CSGALNACT1: variants seen among roughly 807,000 people sequenced by gnomAD.
CSGALNACT1 encodes the protein beta4GalNAcT-1.
CSGALNACT1 carries 52 observed loss-of-function variants against 51.0 expected under a neutral mutation model. That is an observed-to-expected ratio of 1.02 (90% CI 0.82 to 1.29). The LOEUF (loss-of-function observed/expected upper bound fraction) is 1.29. Ranked by LOEUF, CSGALNACT1 falls within the 50% of genes most tolerant of loss-of-function variation. The pLI, the probability that CSGALNACT1 is intolerant of heterozygous loss-of-function variation, is 0.00. For missense variants in CSGALNACT1, 935 were observed against 679.2 expected, an observed-to-expected ratio of 1.38 and a Z score of -4.19; for synonymous variants, 341 against 254.4, an observed-to-expected ratio of 1.34 and a Z score of -3.24.
chr8:19,601,709 G>C (rs2050464218), intron 2 of CSGALNACT1, 62 bp downstream of exon 2: 2 of 404,244 alleles, frequency 4.9e-6, no homozygotes, highest in Admixed American at 6.0e-5. Flanking sequence ...AACACATCCA[G>C]AATATTGAAC....
chr8:19,645,477 C>G (rs367875880), intron 1 of CSGALNACT1, among the ~76,000 whole-genome samples: 1 of 152,236 alleles, frequency 6.6e-6, no homozygotes, highest in Non-Finnish European at 1.5e-5. Context: ...AGTGCAGCCA[C>G]TTACAAGCTG....
intron 6 of CSGALNACT1, among the ~76,000 whole-genome samples, chr8:19,421,393 G>A (rs1295025154): frequency 1.3e-5 from 2 of 152,210 alleles, no homozygotes; most frequent in Admixed American, 6.5e-5. Flanking sequence ...TTAAGCTAAC[G>A]TTCCACGAAT....
At chr8:19,440,034 C>G (rs1418634850) in intron 5 of CSGALNACT1, 103 bp from the exon 5 acceptor site, 12 of 918,794 alleles carry the variant, frequency 1.3e-5, no homozygotes, top group Non-Finnish European at 1.9e-5. Flanking sequence ...TTGAAGGAAA[C>G]TAGGTAAACT....
intron 1 of CSGALNACT1, among the ~76,000 whole-genome samples, chr8:19,743,246 T>C (rs1239942076): frequency 6.6e-6 from 1 of 152,138 alleles, no homozygotes; most frequent in Non-Finnish European, 1.5e-5. Context: ...ATACATTACA[T>C]GAAACGTATG....
chr8:19,601,595 G>C (rs375316934), intron 2 of CSGALNACT1, among the ~76,000 whole-genome samples, 176 bp downstream of exon 2: 24 of 152,302 alleles, frequency 1.6e-4, no homozygotes, highest in Non-Finnish European at 3.1e-4. Context: ...AGGATTCAAT[G>C]GAGCCAAGTA....
chr8:19,491,933 A>T (rs2074434988), intron 4 of CSGALNACT1, among the ~76,000 whole-genome samples: 1 of 152,254 alleles, frequency 6.6e-6, no homozygotes, highest in Admixed American at 6.5e-5. Flanking sequence ...GTATGTGGGT[A>T]GAGGTTACAG....
chr8:19,553,033 A>C (rs2088611980), intron 3 of CSGALNACT1, among the ~76,000 whole-genome samples: 3 of 152,154 alleles, frequency 2.0e-5, no homozygotes, highest in Non-Finnish European at 4.4e-5. Context: ...TTTGATTTTT[A>C]TGTTATCGTT....
intron 3 of CSGALNACT1, among the ~76,000 whole-genome samples, chr8:19,508,370 A>G (rs1169686928): frequency 6.6e-6 from 1 of 152,226 alleles, no homozygotes; most frequent in Non-Finnish European, 1.5e-5. Context: ...AACACTTAAC[A>G]TTCTAATATT....
At chr8:19,530,878 A>G (rs1248623574) in intron 3 of CSGALNACT1, among the ~76,000 whole-genome samples, 1 of 152,218 alleles carries the variant, frequency 6.6e-6, no homozygotes, top group Non-Finnish European at 1.5e-5. Flanking sequence ...CAACACAAAT[A>G]TTTCCCTGCA....
intron 6 of CSGALNACT1, among the ~76,000 whole-genome samples, chr8:19,421,104 C>G (rs1213716878): frequency 6.6e-6 from 1 of 152,238 alleles, no homozygotes; most frequent in East Asian, 1.9e-4. Context: ...AGGCCTGGCT[C>G]TCCTACAGAT....
At chr8:19,447,861 C>A (rs188221075) in intron 5 of CSGALNACT1, among the ~76,000 whole-genome samples, 35 of 152,300 alleles carry the variant, frequency 2.3e-4, no homozygotes, top group African/African-American at 8.2e-4. Context: ...CTACAAAAAA[C>A]GTGAGGCTTT....
At chr8:19,404,308 A>G (rs752824226) in exon 10 of CSGALNACT1, 3 of 453,248 alleles carry the variant, frequency 6.6e-6, no homozygotes, top group South Asian at 3.1e-5. Context: ...TGAAGCTTTT[A>G]AACAATGAGT....
chr8:19,656,595 C>G lies in CSGALNACT1; in HGVS notation c.-544+25878G>C, dbSNP rs986918233. Among the ~76,000 whole-genome samples the G allele has an allele frequency of 2.9e-5, 3 of 104,098 alleles. No individual in the cohort carries two copies. The South Asian group carries it at 8.9e-4, about 31-fold the overall frequency. The allele number at this position is 104,098 out of a possible 152,430, so 68.3% of individuals were successfully genotyped here. A position where few individuals can be genotyped will look rare whatever the true frequency, so the allele number is the denominator to read the frequency against. On this transcript the variant is annotated intron_variant, in intron 1 of 9. Coordinates refer to the CSGALNACT1 transcript ENST00000332246. ...CCAAGAACCAGGAGAAACTACGCCC[C>G]CCCCCCACACACACACACGAGATCA...
intron 1 of CSGALNACT1, among the ~76,000 whole-genome samples, chr8:19,747,462 C>A (rs1203728800): frequency 6.6e-6 from 1 of 152,082 alleles, no homozygotes; most frequent in Non-Finnish European, 1.5e-5. Context: ...CCTTTTTATA[C>A]CCAGATATAT....
intron 4 of CSGALNACT1, chr8:19,495,178 A>G (rs1452691143): frequency 6.6e-6 from 1 of 152,174 alleles, no homozygotes; most frequent in African/African-American, 2.4e-5. Context: ...CATCAGGGCC[A>G]TCCACATGTT....
chr8:19,458,426 C>G (rs2153817273), exon 5 of CSGALNACT1: 1 of 1,613,824 alleles, frequency 6.2e-7, no homozygotes, highest in Non-Finnish European at 8.5e-7. Flanking sequence ...ACAAACCAAC[C>G]TGAAATTCTG....
intron 6 of CSGALNACT1, among the ~76,000 whole-genome samples, chr8:19,426,106 T>C (rs2058738081): frequency 6.6e-6 from 1 of 152,190 alleles, no homozygotes; most frequent in South Asian, 2.1e-4. Flanking sequence ...TATCCAGCAC[T>C]GTGCAGTAAA....
chr8:19,694,346 T>G (rs947024486), intron 1 of CSGALNACT1, among the ~76,000 whole-genome samples: 3 of 152,370 alleles, frequency 2.0e-5, no homozygotes, highest in South Asian at 2.1e-4. Context: ...CTTCTTGTTC[T>G]GTAGAGAGAT....
intron 1 of CSGALNACT1, among the ~76,000 whole-genome samples, chr8:19,632,249 T>C (rs948519906): frequency 1.2e-4 from 19 of 152,242 alleles, no homozygotes; most frequent in African/African-American, 4.3e-4. Flanking sequence ...ACATAACACA[T>C]CTGCCTTGGA....
Sources: gnomAD v4.1 joint callset for allele counts (sites outside exome capture counted in the v4.1 genomes callset) on GRCh38, gnomAD v4.1.1 for gene constraint, MANE v1.5 for transcripts, NCBI Gene and HGNC (gene_info 2026-07-23, HGNC 2026-07-21) for gene names.